DHRSX: variants seen among roughly 807,000 people sequenced by gnomAD.
DHRSX encodes the protein dehydrogenase/reductase X-linked.
Under a neutral mutation model 34.0 loss-of-function variants are expected in DHRSX, and 31 were observed. That is an observed-to-expected ratio of 0.91 (90% confidence interval 0.69 to 1.23). The LOEUF (loss-of-function observed/expected upper bound fraction) is 1.23. Ranked by LOEUF, DHRSX falls within the 50% of genes most tolerant of loss-of-function variation. The pLI, the probability that DHRSX is intolerant of heterozygous loss-of-function variation, is 0.00. For missense variants in DHRSX, 414 were observed against 428.1 expected (o/e 0.97, Z 0.29); for synonymous variants, 201 against 183.8 (o/e 1.09, Z -0.76).
chrX:2,483,789 CA>C (rs111577835), intron 1 of DHRSX, among the ~76,000 whole-genome samples: 18,422 of 109,992 alleles, frequency 0.17, 1,760 homozygotes, highest in East Asian at 0.46. Flanking sequence ...GAAAAAGTGG[CA>C]AAAAAAAAAA....
chrX:2,420,837 T>C (rs1418315653), intron 2 of DHRSX, among the ~76,000 whole-genome samples: 2 of 152,088 alleles, frequency 1.3e-5, no homozygotes, highest in Non-Finnish European at 2.9e-5. Flanking sequence ...AGAAAGAGAC[T>C]GATATAGACC....
intron 2 of DHRSX, among the ~76,000 whole-genome samples, chrX:2,422,954 C>T (rs1340472254): frequency 6.6e-6 from 1 of 151,932 alleles, no homozygotes. Flanking sequence ...AGGCACTCAC[C>T]CCCAAGCCCA....
intron 3 of DHRSX, among the ~76,000 whole-genome samples, chrX:2,308,048 CT>C (rs2042121282): frequency 6.6e-6 from 1 of 152,022 alleles, no homozygotes; most frequent in Non-Finnish European, 1.5e-5. Flanking sequence ...CCTGGAGTAC[CT>C]TCAACGATAC....
intron 3 of DHRSX, among the ~76,000 whole-genome samples, chrX:2,344,129 G>A (rs947596348): frequency 6.6e-6 from 1 of 152,172 alleles, no homozygotes; most frequent in Non-Finnish European, 1.5e-5. Context: ...CACCACTCAT[G>A]AGAGCGGGCT....
intron 4 of DHRSX, among the ~76,000 whole-genome samples, chrX:2,288,747 C>T (rs1176488412): frequency 1.3e-5 from 2 of 152,166 alleles, no homozygotes; most frequent in Non-Finnish European, 2.9e-5. Context: ...AAGAAGTAAA[C>T]CCAATATGTG....
chrX:2,250,849 G>A lies in DHRSX; in HGVS notation c.597-7619C>T, dbSNP rs188613075. Among the ~76,000 whole-genome samples the A allele has an allele frequency of 4.0e-3, 614 of 152,206 alleles. 9 individuals are homozygous for A. Among genetic ancestry groups the A allele is most frequent in the African/African-American group, 0.014 (570 of 41,520 alleles). ...GAGTTGCTCTGGTTCTAATGCCTCTGAAAAATTTAGGGGATTGTTTTCTGA... is the reference window on the plus strand; with the variant it reads ...GAGTTGCTCTGGTTCTAATGCCTCTAAAAAATTTAGGGGATTGTTTTCTGA... On this transcript the variant is annotated intron_variant, in intron 5 of 6. Transcript: ENST00000334651.
chrX:2,288,660 C>G (rs2041832889), intron 4 of DHRSX, among the ~76,000 whole-genome samples: 1 of 152,218 alleles, frequency 6.6e-6, no homozygotes, highest in Non-Finnish European at 1.5e-5. Flanking sequence ...ACTGGACTTA[C>G]TGGCTTGAGG....
chrX:2,318,260 G>A (rs900301507), intron 3 of DHRSX, among the ~76,000 whole-genome samples: 3 of 151,516 alleles, frequency 2.0e-5, no homozygotes, highest in African/African-American at 7.3e-5. Flanking sequence ...CAGCTACTTG[G>A]GAGGCTGAGG....
chrX:2,358,720 A>T (rs367786497), intron 3 of DHRSX, among the ~76,000 whole-genome samples: 9 of 152,226 alleles, frequency 5.9e-5, no homozygotes, highest in African/African-American at 1.9e-4. Flanking sequence ...AAATTGCACA[A>T]TATTCCTTAG....
intron 3 of DHRSX, among the ~76,000 whole-genome samples, chrX:2,344,804 G>A (rs2042680617): frequency 7.0e-6 from 1 of 143,350 alleles, no homozygotes; most frequent in African/African-American, 2.6e-5. Context: ...CATGGCACAT[G>A]TATACCTATG....
At chrX:2,348,638 T>C (rs1325600532) in intron 3 of DHRSX, among the ~76,000 whole-genome samples, 1 of 151,936 alleles carries the variant, frequency 6.6e-6, no homozygotes, top group East Asian at 1.9e-4. Flanking sequence ...GCTATATTAT[T>C]TTCTTGTTTT....
chrX:2,297,746 T>G (rs2041951242), intron 3 of DHRSX, among the ~76,000 whole-genome samples: 3 of 143,412 alleles, frequency 2.1e-5, no homozygotes, highest in Non-Finnish European at 3.1e-5. Context: ...GAGTTTTTTT[T>G]GTTTTGTCTT....
At chrX:2,384,002 G>T (rs1033871676) in intron 3 of DHRSX, among the ~76,000 whole-genome samples, 1 of 152,208 alleles carries the variant, frequency 6.6e-6, no homozygotes, top group Admixed American at 6.5e-5. Flanking sequence ...CTCTCTGACT[G>T]CAGTGTAGAC....
Position 2,291,567 on chromosome X carries a change from G to T in DHRSX, c.323C>A (p.Ser108Tyr). 1 of 1,613,928 alleles carries T rather than the reference G, an allele frequency of 6.2e-7. No homozygotes were observed. The highest frequency in any genetic ancestry group is 8.5e-7 in the Non-Finnish European group (1 of 1,179,844). ...FLYCDLASMT[S>Y]IRQFVQKFKM... ...GAACTTCTGCACAAACTGCCGGATG[G>T]AAGTCATGGAAGCCAAGTCACAGTA... is the stretch of plus-strand genomic sequence containing the variant. Residue 108 changes from serine to tyrosine, a missense_variant, in exon 4 of 7, where the codon TCC (serine) becomes TAC (tyrosine). Ser to Tyr is a moderately radical substitution (Grantham distance 144). Coordinates refer to ENST00000334651, the MANE Select transcript of DHRSX (RefSeq NM_145177.3).
At chrX:2,259,361 T>G (rs2041327634) in intron 5 of DHRSX, among the ~76,000 whole-genome samples, 1 of 94,044 alleles carries the variant, frequency 1.1e-5, no homozygotes, top group Admixed American at 9.8e-5. Flanking sequence ...TATAGATAGA[T>G]ATAGATATAT....
chrX:2,258,665 C>T (rs2041313187), intron 5 of DHRSX, among the ~76,000 whole-genome samples: 2 of 152,108 alleles, frequency 1.3e-5, no homozygotes. Flanking sequence ...CCACTAGGTC[C>T]GTGGTATTTT....
intron 1 of DHRSX, among the ~76,000 whole-genome samples, chrX:2,441,356 C>T (rs2044060070): frequency 6.6e-6 from 1 of 152,168 alleles, no homozygotes; most frequent in South Asian, 2.1e-4. Flanking sequence ...CTGAAAGGAA[C>T]CTGGTCCTTC....
intron 3 of DHRSX, among the ~76,000 whole-genome samples, chrX:2,377,928 T>C (rs922901609): frequency 6.6e-5 from 10 of 152,098 alleles, no homozygotes; most frequent in Non-Finnish European, 1.5e-4. Context: ...TTAGTAGAGA[T>C]GGAGTTTCAC....
At chrX:2,310,929 C>A (rs767039628) in intron 3 of DHRSX, among the ~76,000 whole-genome samples, 4 of 151,784 alleles carry the variant, frequency 2.6e-5, no homozygotes, top group Non-Finnish European at 5.9e-5. Flanking sequence ...AGCGTGGTGG[C>A]GGGCACCTGT....
Sources: gnomAD v4.1 joint callset for allele counts (sites outside exome capture counted in the v4.1 genomes callset) on GRCh38, gnomAD v4.1.1 for gene constraint, MANE v1.5 for transcripts, NCBI Gene and HGNC (gene_info 2026-07-23, HGNC 2026-07-21) for gene names.